The following CAMKMT variants were observed in gnomAD, a reference collection of about 807,000 sequenced individuals.
CAMKMT encodes calmodulin-lysine N-methyltransferase, also known as CaM KMT.
In CAMKMT, 53 loss-of-function variants were observed where a neutral mutation model predicts 48.0. That is an observed-to-expected ratio of 1.10 (90% confidence interval 0.89 to 1.39). The LOEUF (loss-of-function observed/expected upper bound fraction) is 1.39, where lower values mean the gene tolerates loss of function less well. Among genes scored for constraint, CAMKMT ranks in the 40% most tolerant of loss-of-function variants. CAMKMT has a pLI of 0.00. For synonymous variants in CAMKMT, 165 were observed against 152.3 expected, an observed-to-expected ratio of 1.08 and a Z score of -0.61; for missense variants, 428 against 402.7, an observed-to-expected ratio of 1.06 and a Z score of -0.54.
intron 2 of CAMKMT, among the ~76,000 whole-genome samples, chr2:44,381,826 A>G (rs996620253): frequency 1.3e-5 from 2 of 151,996 alleles, no homozygotes; most frequent in Non-Finnish European, 2.9e-5. Flanking sequence ...TTATCTCTCC[A>G]TGTTAGGATT....
At chr2:44,617,134 T>C (rs921384212) in intron 3 of CAMKMT, among the ~76,000 whole-genome samples, 2 of 152,184 alleles carry the variant, frequency 1.3e-5, no homozygotes, top group Admixed American at 1.3e-4. Context: ...AAGAGACTGA[T>C]ATACATACAT....
At chr2:44,761,700 T>C (rs1680623990) in intron 9 of CAMKMT, among the ~76,000 whole-genome samples, 1 of 152,178 alleles carries the variant, frequency 6.6e-6, no homozygotes, top group African/African-American at 2.4e-5. Flanking sequence ...GGCAATGCCA[T>C]GTTTCCCAAG....
At chr2:44,586,817 TA>T (rs1669883178) in intron 3 of CAMKMT, among the ~76,000 whole-genome samples, 1 of 152,204 alleles carries the variant, frequency 6.6e-6, no homozygotes, top group Non-Finnish European at 1.5e-5. Context: ...TTTTCTAGAG[TA>T]AATACATAGG....
chr2:44,576,327 T>TAAAAAAAAAAAAA (rs569571059), intron 3 of CAMKMT, among the ~76,000 whole-genome samples: 1 of 76,698 alleles, frequency 1.3e-5, no homozygotes, highest in African/African-American at 4.5e-5. Context: ...AAACTCTGTC[T>TAAAAAAAAAAAAA]AAAAAAAAAA....
intron 3 of CAMKMT, chr2:44,394,837 G>GT: frequency 6.6e-6 from 3 of 454,022 alleles, no homozygotes; most frequent in Non-Finnish European, 1.3e-5. Context: ...TTTTGGGGTG[G>GT]TAATCAGTTA....
chr2:44,390,450 G>C, intron 3 of CAMKMT, 145 bp downstream of exon 3: 1 of 522,602 alleles, frequency 1.9e-6, no homozygotes, highest in East Asian at 3.9e-5. Context: ...ACTGTCTTTA[G>C]CTGCAAAATA....
intron 7 of CAMKMT, among the ~76,000 whole-genome samples, chr2:44,728,839 C>CTT (rs70937931): frequency 0.017 from 991 of 58,258 alleles, 33 homozygotes; most frequent in Non-Finnish European, 0.026. Context: ...GGGGTCTATC[C>CTT]TTTTTTTTTT....
chr2:44,428,890 TG>T (rs1458572613), intron 3 of CAMKMT, among the ~76,000 whole-genome samples: 1 of 152,230 alleles, frequency 6.6e-6, no homozygotes, highest in Non-Finnish European at 1.5e-5. Context: ...CATTTGTTTC[TG>T]GGCAATGTGC....
chr2:44,436,473 C>G (rs1275728426), intron 3 of CAMKMT, among the ~76,000 whole-genome samples: 3 of 152,120 alleles, frequency 2.0e-5, no homozygotes, highest in Admixed American at 6.5e-5. Flanking sequence ...GGGATCATTT[C>G]AGACAAGGAT....
chr2:44,599,897 G>A (rs1670883911), intron 3 of CAMKMT, among the ~76,000 whole-genome samples: 1 of 151,490 alleles, frequency 6.6e-6, no homozygotes, highest in Non-Finnish European at 1.5e-5. Context: ...TCATTCCAAT[G>A]TGGGAATTTT....
chr2:44,400,135 A>G (rs1180936450), intron 3 of CAMKMT, among the ~76,000 whole-genome samples: 2 of 152,182 alleles, frequency 1.3e-5, no homozygotes, highest in Non-Finnish European at 2.9e-5. Context: ...AAGTGTATTT[A>G]TATTTGATAT....
intron 3 of CAMKMT, among the ~76,000 whole-genome samples, chr2:44,432,995 A>C (rs1222970927): frequency 6.6e-6 from 1 of 152,196 alleles, no homozygotes; most frequent in African/African-American, 2.4e-5. Context: ...ATAAAACATG[A>C]CATAGTAATC....
chr2:44,625,586 C>T lies in CAMKMT; in HGVS notation c.377-78697C>T, dbSNP rs373710669. 1.5e-3 allele frequency among the ~76,000 whole-genome samples: 229 copies of T among 152,000 alleles called. 3 individuals carry two copies. Among genetic ancestry groups the T allele is most frequent in the South Asian group, 5.2e-3 (25 of 4,804 alleles). On this transcript the variant is annotated intron_variant, in intron 3 of 10. Transcript: ENST00000378494. ...TTTGTGTTCTAAAAAGTTTTGCTCA[C>T]ACAAACATCATGAAGATTTTTCTCC...
rs553321840 is a variant in CAMKMT, at chr2:44,625,350, A to G, written c.377-78933A>G. ...TTTTAGTTGAATTGGATACCTTTTT[A>G]TTAAATTGCAATAATTCTGTATATA... is the stretch of plus-strand genomic sequence containing the variant. On this transcript the variant is annotated intron_variant, in intron 3 of 10. Coordinates refer to ENST00000378494, the MANE Select transcript of CAMKMT (RefSeq NM_024766.5). 1.5e-4 allele frequency among the ~76,000 whole-genome samples: 23 copies of G among 152,230 alleles called. No homozygotes were observed. The South Asian group carries it at 4.8e-3, about 32-fold the overall frequency.
intron 3 of CAMKMT, among the ~76,000 whole-genome samples, chr2:44,626,745 G>A (rs1023154682): frequency 7.9e-5 from 12 of 152,050 alleles, no homozygotes; most frequent in Admixed American, 3.3e-4. Context: ...ATCATTTTGG[G>A]GGTTAGGATT....
chr2:44,716,179 A>G (rs1220909869), intron 7 of CAMKMT, among the ~76,000 whole-genome samples: 1 of 152,136 alleles, frequency 6.6e-6, no homozygotes, highest in African/African-American at 2.4e-5. Context: ...TTTCTTTATT[A>G]CTGTGAAGCT....
chr2:44,631,165 T>C (rs912882799), intron 3 of CAMKMT, among the ~76,000 whole-genome samples: 6 of 151,830 alleles, frequency 4.0e-5, no homozygotes, highest in Non-Finnish European at 7.4e-5. Flanking sequence ...CCAAACACCA[T>C]ATATTCTCAC....
chr2:44,629,604 A>G (rs1672695086), intron 3 of CAMKMT, among the ~76,000 whole-genome samples: 1 of 151,706 alleles, frequency 6.6e-6, no homozygotes, highest in South Asian at 2.1e-4. Context: ...ATGCCTGGCT[A>G]ATTAACAGAG....
At chr2:44,716,691 C>T (rs575313451) in intron 7 of CAMKMT, among the ~76,000 whole-genome samples, 28 of 152,280 alleles carry the variant, frequency 1.8e-4, no homozygotes, top group African/African-American at 5.5e-4. Flanking sequence ...ACAGTGCAGA[C>T]GGCCTTACCC....
Sources: gnomAD v4.1 joint callset for allele counts (sites outside exome capture counted in the v4.1 genomes callset) on GRCh38, gnomAD v4.1.1 for gene constraint, MANE v1.5 for transcripts, NCBI Gene and HGNC (gene_info 2026-07-23, HGNC 2026-07-21) for gene names.